Variants in NPAS2 observed in about 807,000 individuals in gnomAD.
NPAS2 encodes the protein neuronal PAS domain-containing protein 2.
Under a neutral mutation model 107.5 loss-of-function variants are expected in NPAS2, and 23 were observed. The ratio of observed to expected loss-of-function variants is 0.21; its 90% confidence interval spans 0.15 to 0.30. The LOEUF is 0.30. Ranked by LOEUF, NPAS2 falls within the 10% of genes least tolerant of loss-of-function variation. The probability of loss-of-function intolerance (pLI) is 1.00; values close to 1 mark genes in which losing one functional copy is unlikely to be tolerated. For synonymous variants in NPAS2, 403 were observed against 417.5 expected, an observed-to-expected ratio of 0.97 and a Z score of 0.42; for missense variants, 756 against 1,043.3, an observed-to-expected ratio of 0.72 and a Z score of 3.79.
intron 2 of NPAS2, among the ~76,000 whole-genome samples, chr2:100,912,554 T>C (rs150645751): frequency 6.6e-6 from 1 of 152,194 alleles, no homozygotes; most frequent in Admixed American, 6.5e-5. Context: ...CCTGTTTCGT[T>C]CCAGGTGGTA....
At chr2:100,822,759 T>C (rs1676151939) in intron 1 of NPAS2, 1 of 152,212 alleles carries the variant, frequency 6.6e-6, no homozygotes, top group Non-Finnish European at 1.5e-5. Context: ...CACGACACTG[T>C]CCCATGCTGA....
chr2:100,982,155 C>T (rs550591530), intron 15 of NPAS2, 76 bp from the exon 16 acceptor site: 625 of 1,544,736 alleles, frequency 4.0e-4, no homozygotes, highest in Non-Finnish European at 4.3e-4. Flanking sequence ...GTGTACAGAC[C>T]GAGCAGCAGC....
chr2:100,995,297 T>C, intron 20 of NPAS2, 103 bp from the exon 21 acceptor site: 9 of 953,150 alleles, frequency 9.4e-6, no homozygotes, highest in East Asian at 5.5e-5. Context: ...AAGACAGCCC[T>C]GTAGTCTAAC....
Position 100,892,211 on chromosome 2 carries a change from A to G in NPAS2, c.-22-12522A>G, listed in dbSNP as rs185263411. The stretch of plus-strand genomic sequence containing the variant: ...TTGTGTTAGGATGGCCCTTCCATCC[A>G]GATATCATGGCCGTTTCTATCTTGA... On this transcript the variant is annotated intron_variant, in intron 1 of 20. Coordinates refer to ENST00000335681, the MANE Select transcript of NPAS2 (RefSeq NM_002518.4). Among the ~76,000 whole-genome samples, 684 of 152,358 alleles carry G rather than the reference A, an allele frequency of 4.5e-3. 5 individuals carry two copies. The highest frequency in any genetic ancestry group is 0.016 in the African/African-American group (665 of 41,580).
intron 13 of NPAS2, 95 bp from the exon 14 acceptor site, chr2:100,975,363 C>T: frequency 9.1e-7 from 1 of 1,100,050 alleles, no homozygotes; most frequent in Non-Finnish European, 1.3e-6. Flanking sequence ...CAAGCGAGCT[C>T]TTGTACTGTG....
intron 14 of NPAS2, among the ~76,000 whole-genome samples, chr2:100,975,977 A>G (rs1261254109): frequency 6.6e-6 from 1 of 152,170 alleles, no homozygotes; most frequent in Non-Finnish European, 1.5e-5. Flanking sequence ...TAGCGTCCCC[A>G]ACATGTGCCA....
chr2:100,857,380 T>G (rs981240787), intron 1 of NPAS2, among the ~76,000 whole-genome samples: 10 of 151,908 alleles, frequency 6.6e-5, no homozygotes, highest in African/African-American at 2.4e-4. Flanking sequence ...TGCTGAGCCC[T>G]TCCATATAGT....
intron 11 of NPAS2, chr2:100,970,659 G>C: frequency 4.5e-6 from 1 of 223,440 alleles, no homozygotes; most frequent in Non-Finnish European, 8.7e-6. Flanking sequence ...AAAGGCAGAA[G>C]CTTATCCCAT....
At chr2:100,977,327 C>T (rs770801094) in intron 14 of NPAS2, among the ~76,000 whole-genome samples, 4 of 152,214 alleles carry the variant, frequency 2.6e-5, no homozygotes, top group Non-Finnish European at 5.9e-5. Flanking sequence ...TAGCAGTCCA[C>T]GCACGTCGTC....
intron 7 of NPAS2, among the ~76,000 whole-genome samples, chr2:100,951,268 G>A (rs755995934): frequency 5.9e-5 from 9 of 152,270 alleles, no homozygotes; most frequent in East Asian, 5.8e-4. Flanking sequence ...TTTGCTTTAC[G>A]TGTGCACTGG....
intron 1 of NPAS2, among the ~76,000 whole-genome samples, chr2:100,862,141 G>A (rs898970187): frequency 3.9e-5 from 6 of 152,206 alleles, no homozygotes; most frequent in Admixed American, 6.5e-5. Flanking sequence ...ACAACCTATC[G>A]GATGGGTAAA....
chr2:100,864,143 T>C (rs1280529633), intron 1 of NPAS2, among the ~76,000 whole-genome samples: 1 of 152,228 alleles, frequency 6.6e-6, no homozygotes, highest in East Asian at 1.9e-4. Context: ...AGCATCCTAT[T>C]TCTCTGTGAG....
chr2:100,903,241 G>A (rs1021110963), intron 1 of NPAS2, among the ~76,000 whole-genome samples: 1 of 152,148 alleles, frequency 6.6e-6, no homozygotes, highest in African/African-American at 2.4e-5. Context: ...CACAGGCTTG[G>A]GGTAGGGCAT....
chr2:100,992,184 C>T (rs866935433), intron 19 of NPAS2, among the ~76,000 whole-genome samples: 10 of 152,242 alleles, frequency 6.6e-5, no homozygotes, highest in African/African-American at 1.9e-4. Flanking sequence ...GAGGCCAAGG[C>T]GGGCGGATCA....
intron 1 of NPAS2, among the ~76,000 whole-genome samples, chr2:100,900,096 A>G (rs1450895301): frequency 6.6e-6 from 1 of 152,234 alleles, no homozygotes; most frequent in East Asian, 1.9e-4. Context: ...AAAGGTTGAT[A>G]AATTAGACTT....
At chr2:100,934,333 T>G (rs4851381) in intron 4 of NPAS2, among the ~76,000 whole-genome samples, 127,172 of 151,116 alleles carry the variant, frequency 0.84, 53,890 homozygotes, top group East Asian at 1. Flanking sequence ...TTTTCCCAGT[T>G]AGTTTCAAAC....
intron 1 of NPAS2, chr2:100,821,266 G>A (rs1202275372): frequency 8.1e-7 from 1 of 1,239,586 alleles, no homozygotes; most frequent in Non-Finnish European, 1.1e-6. Flanking sequence ...GATTAAGCAA[G>A]ATGGAAACCT....
intron 5 of NPAS2, among the ~76,000 whole-genome samples, chr2:100,943,867 C>A (rs1211449700): frequency 6.6e-6 from 1 of 152,162 alleles, no homozygotes; most frequent in African/African-American, 2.4e-5. Flanking sequence ...GATGCCAAGG[C>A]AGCATATAAT....
At chr2:100,967,089 T>C in intron 10 of NPAS2, among the ~76,000 whole-genome samples, 1 of 152,088 alleles carries the variant, frequency 6.6e-6, no homozygotes, top group African/African-American at 2.4e-5. Flanking sequence ...GTGTCTATTT[T>C]AACAAGATCC....
Sources: allele counts gnomAD v4.1 joint callset (sites outside exome capture counted in the v4.1 genomes callset), GRCh38; gene constraint gnomAD v4.1.1; transcripts MANE v1.5; gene names NCBI Gene and HGNC (gene_info 2026-07-23, HGNC 2026-07-21).